STIM2: variants seen among roughly 807,000 people sequenced by gnomAD.
STIM2 encodes the protein stromal interaction molecule 2.
A neutral mutation model predicts 85.8 loss-of-function variants in STIM2; 31 were observed. That is an observed-to-expected ratio of 0.36 (90% CI 0.27 to 0.49). The LOEUF is 0.49. Among genes scored for constraint, STIM2 ranks in the 20% least tolerant of loss-of-function variants. The pLI is 0.98. For synonymous variants in STIM2, 356 were observed against 331.1 expected, an observed-to-expected ratio of 1.08 and a Z score of -0.82; for missense variants, 841 against 927.6, an observed-to-expected ratio of 0.91 and a Z score of 1.21.
At chr4:26,906,966 C>CAA (rs33976513) in intron 1 of STIM2, among the ~76,000 whole-genome samples, 53 of 116,610 alleles carry the variant, frequency 4.5e-4, no homozygotes, top group Admixed American at 3.4e-4. Flanking sequence ...GACTCCGTCT[C>CAA]AAAAAAAAAA....
rs1577444365 is a variant in STIM2, at chr4:26,929,705, T to C, written c.282+10071T>C. On this transcript the variant is annotated intron_variant, in intron 2 of 11. Transcript: ENST00000467087. Reference sequence around the variant, plus strand: ...TTCTTTATTTTTATAATTTATTTAATATTGAGCTAATATCTGATGGCCTAT... The same window carrying C: ...TTCTTTATTTTTATAATTTATTTAACATTGAGCTAATATCTGATGGCCTAT... 2.0e-5 allele frequency among the ~76,000 whole-genome samples: 3 copies of C among 152,146 alleles called. No homozygotes were observed. In the East Asian group the frequency reaches 5.8e-4, roughly 29 times the overall value.
Position 26,981,231 on chromosome 4 carries a change from C to A in STIM2, c.398-14148C>A, listed in dbSNP as rs564620600. Among the ~76,000 whole-genome samples, 25 of 152,244 alleles carry A rather than the reference C, an allele frequency of 1.6e-4. 1 individual carries two copies. Among genetic ancestry groups the A allele is most frequent in the Non-Finnish European group, 2.2e-4 (15 of 68,012 alleles). ...GTGAAATCTCGCTAATAAGTACCCA[C>A]CCCCCACCTTAGAGGGTTGTGCTGA... is the stretch of plus-strand genomic sequence containing the variant. On this transcript the variant is annotated intron_variant, in intron 3 of 11. Transcript: ENST00000467087.
At chr4:26,962,896 CAT>C (rs758696584) in intron 3 of STIM2, among the ~76,000 whole-genome samples, 4 of 152,276 alleles carry the variant, frequency 2.6e-5, no homozygotes, top group South Asian at 2.1e-4. Context: ...GTTATTATAA[CAT>C]GTGACAACCA....
intron 5 of STIM2, among the ~76,000 whole-genome samples, chr4:27,001,886 C>T (rs1728168665): frequency 1.3e-5 from 2 of 152,150 alleles, no homozygotes; most frequent in Admixed American, 1.3e-4. Flanking sequence ...CTCCCTTCAC[C>T]CCACAGAGGA....
chr4:26,894,483 A>C (rs779532383), intron 1 of STIM2, among the ~76,000 whole-genome samples: 9 of 150,594 alleles, frequency 6.0e-5, no homozygotes, highest in Non-Finnish European at 1.3e-4. Flanking sequence ...TTTGAGAATC[A>C]GGTCTGATTT....
chr4:27,005,510 C>G (rs1728303268), intron 7 of STIM2, among the ~76,000 whole-genome samples: 1 of 152,058 alleles, frequency 6.6e-6, no homozygotes, highest in African/African-American at 2.4e-5. Flanking sequence ...TCCAAAGATA[C>G]AAAAATCATG....
intron 3 of STIM2, among the ~76,000 whole-genome samples, chr4:26,973,131 TTTC>T (rs1170149695): frequency 6.6e-6 from 1 of 152,190 alleles, no homozygotes; most frequent in African/African-American, 2.4e-5. Flanking sequence ...TCTTCTCTCT[TTTC>T]TTCTTTATTA....
chr4:26,965,692 T>G (rs191560651), intron 3 of STIM2, among the ~76,000 whole-genome samples: 1 of 152,220 alleles, frequency 6.6e-6, no homozygotes, highest in East Asian at 1.9e-4. Context: ...AGTACACTTG[T>G]GTTTTGGAGA....
intron 8 of STIM2, 143 bp downstream of exon 8, chr4:27,007,843 A>G: frequency 2.3e-6 from 2 of 858,540 alleles, no homozygotes; most frequent in Non-Finnish European, 3.6e-6. Context: ...TTGTGTAAAT[A>G]GACTCTAGTA....
chr4:26,990,823 G>A (rs988596282), intron 3 of STIM2, among the ~76,000 whole-genome samples: 9 of 152,022 alleles, frequency 5.9e-5, no homozygotes, highest in African/African-American at 9.7e-5. Flanking sequence ...ACAGGTATAC[G>A]AAAAAATGTT....
At chr4:27,021,709 A>G in intron 11 of STIM2, 1 of 443,442 alleles carries the variant, frequency 2.3e-6, no homozygotes, top group South Asian at 1.6e-5. Context: ...GAAAGCAGGA[A>G]GACCAATTAG....
chr4:27,007,199 T>C (rs1728394628), intron 7 of STIM2, among the ~76,000 whole-genome samples: 1 of 152,050 alleles, frequency 6.6e-6, no homozygotes, highest in Non-Finnish European at 1.5e-5. Flanking sequence ...CCTCAGTGAG[T>C]CTGGTTTTCA....
intron 1 of STIM2, among the ~76,000 whole-genome samples, chr4:26,896,504 A>G (rs1473228382): frequency 6.6e-6 from 1 of 152,234 alleles, no homozygotes; most frequent in Non-Finnish European, 1.5e-5. Flanking sequence ...TCGTATCTTC[A>G]TATGAGATGA....
chr4:26,920,228 C>G (rs1000993068), intron 2 of STIM2, among the ~76,000 whole-genome samples: 9 of 152,080 alleles, frequency 5.9e-5, no homozygotes, highest in African/African-American at 2.2e-4. Context: ...TTTATCATGC[C>G]TCTGCTTGCC....
intron 2 of STIM2, among the ~76,000 whole-genome samples, chr4:26,954,366 A>G (rs1726168736): frequency 8.0e-6 from 1 of 125,526 alleles, no homozygotes; most frequent in South Asian, 2.5e-4. Flanking sequence ...TCAATTTAGG[A>G]TTCCCTATAG....
In STIM2 at chr4:27,019,563, AG is replaced by A. The variant is rs562998937; in HGVS notation, c.1763+1580del. 5.8e-5 allele frequency: 63 copies of A among 1,094,108 alleles called. No homozygotes were observed. The South Asian group carries it at 7.7e-4, about 13-fold the overall frequency. The allele number at this position is 1,094,108 out of a possible 1,614,324, so 67.8% of individuals were successfully genotyped here. A position where few individuals can be genotyped will look rare whatever the true frequency, so the allele number is the denominator to read the frequency against. ...ATAGCAATGTCAAAGTTTCATAGCTAGCTCTCATAAATAAGAGAATGATTTG... is the reference window on the plus strand; with the variant it reads ...ATAGCAATGTCAAAGTTTCATAGCTACTCTCATAAATAAGAGAATGATTTG... On this transcript the variant is annotated intron_variant, in intron 11 of 11. Transcript: ENST00000467087.
intron 1 of STIM2, among the ~76,000 whole-genome samples, chr4:26,907,363 A>G (rs1724169884): frequency 6.6e-6 from 1 of 152,156 alleles, no homozygotes. Context: ...GAAGTTAGTG[A>G]TCTTAGAGTT....
intron 3 of STIM2, among the ~76,000 whole-genome samples, chr4:26,974,050 T>C (rs193076592): frequency 3.9e-4 from 60 of 152,346 alleles, no homozygotes; most frequent in African/African-American, 1.4e-3. Context: ...GAGACTAGGA[T>C]TGCAACTGCT....
intron 1 of STIM2, 35 bp from the exon 2 acceptor site, chr4:26,919,469 T>C: frequency 1.9e-6 from 3 of 1,611,482 alleles, no homozygotes; most frequent in Non-Finnish European, 2.5e-6. Context: ...TGTTTTGGTA[T>C]GGCAAGTTAG....
Sources: allele counts gnomAD v4.1 joint callset (sites outside exome capture counted in the v4.1 genomes callset), GRCh38; gene constraint gnomAD v4.1.1; transcripts MANE v1.5; gene names NCBI Gene and HGNC (gene_info 2026-07-23, HGNC 2026-07-21).